The following TENM1 variants were observed in gnomAD, a reference collection of about 807,000 sequenced individuals.
TENM1 encodes the protein teneurin transmembrane protein 1.
TENM1 carries 35 observed loss-of-function variants against 174.8 expected under a neutral mutation model. The ratio of observed to expected loss-of-function variants is 0.20; its 90% confidence interval spans 0.15 to 0.27. TENM1 has a LOEUF of 0.27. Among genes scored for constraint, TENM1 ranks in the 10% least tolerant of loss-of-function variants. The probability of loss-of-function intolerance (pLI) is 1.00; values close to 1 mark genes in which losing one functional copy is unlikely to be tolerated. For synonymous variants in TENM1, 781 were observed against 798.7 expected (o/e 0.98, Z 0.37); for missense variants, 1,633 against 2,130.1 (o/e 0.77, Z 4.59).
chrX:125,202,689 G>C, the TENM1 span, among the ~76,000 whole-genome samples: 1 of 104,306 alleles, frequency 9.6e-6, no homozygotes, highest in Non-Finnish European at 2.0e-5. Context: ...CACAGACGTG[G>C]AAACATCTAC....
intron 27 of TENM1, among the ~76,000 whole-genome samples, chrX:124,404,357 C>T (rs1341147335): frequency 9.0e-6 from 1 of 111,001 alleles, no homozygotes; most frequent in Non-Finnish European, 1.9e-5. Context: ...AGTGCTATGG[C>T]GATTGTAGGC....
At chrX:124,955,682 T>C (rs900368163) in intron 1 of TENM1, among the ~76,000 whole-genome samples, 2 of 110,675 alleles carry the variant, frequency 1.8e-5, no homozygotes, top group Non-Finnish European at 3.8e-5. Context: ...AAAAATTACA[T>C]TGGGATTTTG....
At chrX:124,657,392 C>T (rs1230175352) in intron 6 of TENM1, among the ~76,000 whole-genome samples, 1 of 110,548 alleles carries the variant, frequency 9.0e-6, no homozygotes, top group African/African-American at 3.3e-5. Context: ...TGAAAGAGGG[C>T]ACACTAAGTG....
rs149268011 is a variant in TENM1, at chrX:124,911,751, T to C, written c.218-15510A>G. On this transcript the variant is annotated intron_variant, in intron 1 of 31. Coordinates refer to ENST00000422452, the Ensembl canonical transcript of TENM1. ...TTGTAAAGGGCCTTATATACCATAC[T>C]AAGGAATTGGGCCTTGTTTGCCTTA... 7.5e-4 allele frequency among the ~76,000 whole-genome samples: 84 copies of C among 111,912 alleles called. No homozygotes were observed. In the East Asian group the frequency reaches 0.022, roughly 30 times the overall value.
At chrX:124,605,511 A>G (rs2050133498) in intron 11 of TENM1, among the ~76,000 whole-genome samples, 1 of 110,430 alleles carries the variant, frequency 9.1e-6, no homozygotes, top group Non-Finnish European at 1.9e-5. Context: ...CAATGTTGAA[A>G]GCACAGCTAC....
chrX:125,140,160 C>G, the TENM1 span, among the ~76,000 whole-genome samples: 1 of 111,397 alleles, frequency 9.0e-6, no homozygotes, highest in African/African-American at 3.3e-5. Flanking sequence ...ACTACACCTA[C>G]GTTTTTGATC....
intron 22 of TENM1, among the ~76,000 whole-genome samples, chrX:124,476,473 G>A (rs2046727038): frequency 8.9e-6 from 1 of 112,003 alleles, no homozygotes. Context: ...CTATGGAACA[G>A]CTCAGAGGCT....
rs1461058818 is a variant in TENM1, at chrX:124,844,147, C to T, written c.535+50149G>A. On this transcript the variant is annotated intron_variant, in intron 3 of 31. Coordinates refer to ENST00000422452, the Ensembl canonical transcript of TENM1. ...TGTGGAATCGTTAGTTAGATACAGG[C>T]AAAGCCACTCCTTTAGTGCTTTCTC... Among the ~76,000 whole-genome samples the T allele has an allele frequency of 2.7e-5, 3 of 111,483 alleles. No homozygotes were observed. In the East Asian group the frequency reaches 8.5e-4, roughly 32 times the overall value.
At chrX:124,685,140 C>CA (rs763059413) in intron 5 of TENM1, among the ~76,000 whole-genome samples, 1 of 99,437 alleles carries the variant, frequency 1.0e-5, no homozygotes, top group Non-Finnish European at 2.0e-5. Flanking sequence ...AAAAAACAAA[C>CA]AACAACAACA....
chrX:124,583,737 C>T (rs1244518782), intron 11 of TENM1, among the ~76,000 whole-genome samples: 11 of 109,527 alleles, frequency 1.0e-4, no homozygotes, highest in Non-Finnish European at 1.9e-4. Context: ...CAAACTACTC[C>T]GAGCTACAGG....
At chrX:124,398,506 G>T (rs188845601) in intron 27 of TENM1, among the ~76,000 whole-genome samples, 7 of 111,151 alleles carry the variant, frequency 6.3e-5, no homozygotes, top group African/African-American at 2.0e-4. Context: ...TTTTGAAAGA[G>T]AACTAAACTT....
At chrX:124,546,361 A>T (rs977096868) in intron 15 of TENM1, among the ~76,000 whole-genome samples, 6 of 111,892 alleles carry the variant, frequency 5.4e-5, no homozygotes, top group Non-Finnish European at 1.1e-4. Context: ...AGCTTATTTT[A>T]AAAAAATTAT....
At chrX:124,874,678 AT>A (rs1466256783) in intron 3 of TENM1, among the ~76,000 whole-genome samples, 2 of 110,981 alleles carry the variant, frequency 1.8e-5, no homozygotes, top group African/African-American at 6.5e-5. Context: ...TTATTTTCAC[AT>A]TTAATTTTGG....
chrX:124,644,498 T>A (rs1415267646), intron 10 of TENM1, among the ~76,000 whole-genome samples: 1 of 110,140 alleles, frequency 9.1e-6, no homozygotes, highest in East Asian at 2.8e-4. Flanking sequence ...AACGTCTGAT[T>A]ACTAGTAAAC....
chrX:124,584,338 C>T (rs1362509600), intron 11 of TENM1, among the ~76,000 whole-genome samples: 9 of 110,498 alleles, frequency 8.1e-5, no homozygotes, highest in Admixed American at 2.9e-4. Flanking sequence ...GCGGATCTCT[C>T]GGCAGAAACT....
At chrX:124,874,733 G>C (rs1320706980) in intron 3 of TENM1, among the ~76,000 whole-genome samples, 1 of 110,547 alleles carries the variant, frequency 9.0e-6, no homozygotes, top group Non-Finnish European at 1.9e-5. Flanking sequence ...GGTACGGAGG[G>C]AAGCAACTTT....
At chrX:124,628,655 A>G (rs1056929834) in intron 11 of TENM1, among the ~76,000 whole-genome samples, 3 of 111,419 alleles carry the variant, frequency 2.7e-5, no homozygotes, top group African/African-American at 9.8e-5. Flanking sequence ...TATCTTGAGG[A>G]CACTGTGAAT....
the TENM1 span, chrX:125,203,982 G>T: frequency 8.8e-6 from 1 of 113,189 alleles, no homozygotes; most frequent in African/African-American, 3.2e-5. Context: ...CCCCCGCATT[G>T]CTCTCCTCCG....
At chrX:124,629,974 C>T (rs2050721851) in intron 11 of TENM1, among the ~76,000 whole-genome samples, 1 of 112,060 alleles carries the variant, frequency 8.9e-6, no homozygotes. Flanking sequence ...AGCTATATGA[C>T]TGTCCATAAG....
Sources: allele counts gnomAD v4.1 joint callset (sites outside exome capture counted in the v4.1 genomes callset), GRCh38; gene constraint gnomAD v4.1.1; transcripts MANE v1.5; gene names NCBI Gene and HGNC (gene_info 2026-07-23, HGNC 2026-07-21).